The following ANKMY1 variants were observed in gnomAD, a reference collection of about 807,000 sequenced individuals.
ANKMY1 encodes the protein ankyrin repeat and MYND domain containing 1, also known as ankyrin repeat and MYND domain-containing protein 1.
In ANKMY1, 98 loss-of-function variants were observed where a neutral mutation model predicts 102.0. The observed-to-expected ratio is 0.96, with a 90% CI of 0.82 to 1.14. The LOEUF (loss-of-function observed/expected upper bound fraction) is 1.14. Ranked by LOEUF, ANKMY1 falls within the 50% of genes most tolerant of loss-of-function variation. ANKMY1 has a pLI of 0.00. For missense variants in ANKMY1, 1,330 were observed against 1,347.6 expected (o/e 0.99, Z 0.20); for synonymous variants, 582 against 559.9 (o/e 1.04, Z -0.56).
At chr2:240,494,162 C>A (rs2076967108) in intron 15 of ANKMY1, among the ~76,000 whole-genome samples, 1 of 152,046 alleles carries the variant, frequency 6.6e-6, no homozygotes. Context: ...AAAGTAGGCA[C>A]CAGCTGTTGT....
intron 3 of ANKMY1, 96 bp downstream of exon 3, chr2:240,554,770 G>A (rs370628185): frequency 1.4e-6 from 2 of 1,396,590 alleles, no homozygotes; most frequent in Admixed American, 2.0e-5. Flanking sequence ...TCCTGTTGAT[G>A]GGCCTAAAAG....
rs756678879 is a variant in ANKMY1 at position 240,520,195 on chromosome 2, G to C, written c.2004+167C>G. The stretch of plus-strand genomic sequence containing the variant: ...TGTCTGGGGACATGGGTGAAAGAGC[G>C]GGCTGTGGGACCCCCCACTGCGGCG... On this transcript the variant is annotated intron_variant, in intron 9 of 17. Transcript: ENST00000401804. This position sits in a 1 kb window ranked among gnomAD's most constrained non-coding sequence, Gnocchi z 4.8. 7 of 982,784 alleles carry C rather than the reference G, an allele frequency of 7.1e-6. 1 individual carries two copies. The Middle Eastern group carries it at 6.1e-4, about 86-fold the overall frequency. The allele number at this position is 982,784 out of a possible 1,614,324, so 60.9% of individuals were successfully genotyped here.
intron 11 of ANKMY1, 130 bp downstream of exon 11, chr2:240,511,731 T>A (rs2080225357): frequency 3.2e-6 from 4 of 1,232,760 alleles, no homozygotes; most frequent in African/African-American, 1.6e-5. Flanking sequence ...TCCCTCCCCA[T>A]CCTTCCAAGC....
At chr2:240,477,883 C>A (rs930249324), downstream of ANKMY1, among the ~76,000 whole-genome samples, 3 of 152,142 alleles carry the variant, frequency 2.0e-5, no homozygotes, top group African/African-American at 7.2e-5. Context: ...TGCACTCATG[C>A]CTGTAGAGAT....
At chr2:240,550,419 C>T (rs1028970521) in intron 4 of ANKMY1, among the ~76,000 whole-genome samples, 5 of 150,238 alleles carry the variant, frequency 3.3e-5, no homozygotes, top group Non-Finnish European at 7.4e-5. Flanking sequence ...TGCTAGATGA[C>T]GAGTTAGTGG....
intron 15 of ANKMY1, among the ~76,000 whole-genome samples, chr2:240,493,291 T>C (rs1410623655): frequency 6.6e-6 from 1 of 152,106 alleles, no homozygotes; most frequent in Non-Finnish European, 1.5e-5. Context: ...TGTGCCACTG[T>C]ACTCCAGCCT....
Position 240,512,933 on chromosome 2 carries a change from G to A in ANKMY1, c.2014C>T (p.Leu672=). 6.2e-7 allele frequency: 1 copy of A among 1,613,068 alleles called. No individual in the cohort carries two copies. Among genetic ancestry groups the A allele is most frequent in the Non-Finnish European group, 8.5e-7 (1 of 1,179,510 alleles). Residue 672 remains leucine, a synonymous_variant, in exon 10 of 18, where the codon CTG becomes TTG. Transcript: ENST00000401804. ...DICFPPQLST[L]TPLHIAAALP... is the part of the protein sequence containing the mutation. ...GCGGCAGCGATGTGGAGTGGTGTCA[G>A]GGTGCTCAGCTGCAGAGGAAACACC...
intron 5 of ANKMY1, chr2:240,527,070 TGATG>T (rs1488231648): frequency 6.5e-6 from 6 of 925,522 alleles, no homozygotes; most frequent in Non-Finnish European, 7.7e-6. Flanking sequence ...ATGAGTGAAT[TGATG>T]GATGAATGGA....
At chr2:240,504,260 C>A (rs568739609) in intron 13 of ANKMY1, among the ~76,000 whole-genome samples, 3 of 152,210 alleles carry the variant, frequency 2.0e-5, no homozygotes. Flanking sequence ...GCCAGGGCAC[C>A]CCTAGGGTTT....
chr2:240,500,859 A>T (rs1251291708), intron 13 of ANKMY1, among the ~76,000 whole-genome samples: 1 of 152,234 alleles, frequency 6.6e-6, no homozygotes, highest in Non-Finnish European at 1.5e-5. Context: ...GAATCGACAG[A>T]GTCTGTGACA....
chr2:240,505,354 C>T (rs1161056799), intron 13 of ANKMY1, among the ~76,000 whole-genome samples: 6 of 151,300 alleles, frequency 4.0e-5, no homozygotes, highest in African/African-American at 4.9e-5. Context: ...CCCAGCTACT[C>T]GGGAGGGTGA....
rs762384901 is a variant in ANKMY1, at chr2:240,557,292, G to A, written c.44C>T (p.Ser15Phe). The change falls in exon 2 of 18, where the codon TCT (serine) becomes TTT (phenylalanine). Residue 15 changes from serine to phenylalanine, a missense_variant. Ser to Phe is a radical substitution (Grantham distance 155). Transcript: ENST00000401804. ...CGGGCGTTGGCGGCTGCCAGCCCCA[G>A]AGACTTCGTCCTCTAAGCTAAGGGA... ...HASLSLEDEV[S>F]GAGSRQRPLE... 4.4e-6 allele frequency: 7 copies of A among 1,592,730 alleles called. No homozygotes were observed. The highest frequency in any genetic ancestry group is 3.5e-5 in the Admixed American group (2 of 57,678).
At chr2:240,519,505 C>G (rs188890071) in intron 9 of ANKMY1, among the ~76,000 whole-genome samples, 2 of 152,176 alleles carry the variant, frequency 1.3e-5, no homozygotes, top group African/African-American at 2.4e-5. Context: ...GCGAGAGAAG[C>G]CTGGCCTCAC....
At chr2:240,471,260 CTT>C in the ANKMY1 span, among the ~76,000 whole-genome samples, 22 of 136,090 alleles carry the variant, frequency 1.6e-4, no homozygotes, top group African/African-American at 1.1e-4. Context: ...AACTCAAATT[CTT>C]TTTTTTTTTT....
At chr2:240,498,701 T>G (rs2152008953) in intron 15 of ANKMY1, among the ~76,000 whole-genome samples, 1 of 152,170 alleles carries the variant, frequency 6.6e-6, no homozygotes, top group South Asian at 2.1e-4. Flanking sequence ...TGGGCCCCCC[T>G]GTGGGAGGTG....
chr2:240,481,707 A>G (rs2075410099), intron 16 of ANKMY1, among the ~76,000 whole-genome samples: 1 of 152,202 alleles, frequency 6.6e-6, no homozygotes, highest in Non-Finnish European at 1.5e-5. Context: ...CTGGAACAGC[A>G]GAGTGAGTGC....
intron 13 of ANKMY1, among the ~76,000 whole-genome samples, chr2:240,503,314 G>A (rs373809807): frequency 7.2e-5 from 11 of 152,314 alleles, no homozygotes; most frequent in South Asian, 4.1e-4. Context: ...AGAAATGTTC[G>A]TGAGAAGAGG....
intron 3 of ANKMY1, chr2:240,554,340 A>G (rs1441430030): frequency 6.5e-6 from 1 of 153,178 alleles, no homozygotes; most frequent in Non-Finnish European, 1.5e-5. Flanking sequence ...GTGGAGATGG[A>G]AAGAGAGAGG....
intron 15 of ANKMY1, among the ~76,000 whole-genome samples, chr2:240,483,617 T>C (rs1574866789): frequency 6.6e-6 from 1 of 152,336 alleles, no homozygotes; most frequent in East Asian, 1.9e-4. Flanking sequence ...TTGCATTTTG[T>C]TTTCTATATG....
Sources: gnomAD v4.1 joint callset for allele counts (sites outside exome capture counted in the v4.1 genomes callset) on GRCh38, gnomAD v4.1.1 for gene constraint, Gnocchi (gnomAD v3.1) non-coding constraint, MANE v1.5 for transcripts, NCBI Gene and HGNC (gene_info 2026-07-23, HGNC 2026-07-21) for gene names.